Variants in AKR1B1 observed in about 807,000 individuals in gnomAD.
AKR1B1 encodes aldo-keto reductase family 1 member B, also known as aldo-keto reductase family 1 member B1.
Under a neutral mutation model 40.4 loss-of-function variants are expected in AKR1B1, and 22 were observed. That is an observed-to-expected ratio of 0.54 (90% CI 0.39 to 0.78). The LOEUF (loss-of-function observed/expected upper bound fraction) is 0.78. Among genes scored for constraint, AKR1B1 ranks in the 30% least tolerant of loss-of-function variants. The pLI, the probability that AKR1B1 is intolerant of heterozygous loss-of-function variation, is 0.00. For synonymous variants in AKR1B1, 157 were observed against 149.9 expected (o/e 1.05, Z -0.35); for missense variants, 357 against 396.7 (o/e 0.90, Z 0.85).
intron 6 of AKR1B1, 56 bp from the exon 7 acceptor site, chr7:134,448,117 C>T: frequency 7.0e-7 from 1 of 1,428,876 alleles, no homozygotes; most frequent in Middle Eastern, 2.4e-4. Flanking sequence ...TCACAGCAGC[C>T]AGAAACCCCA....
At chr7:134,449,829 A>C in intron 3 of AKR1B1, 32 bp from the exon 4 acceptor site, 1 of 1,570,538 alleles carries the variant, frequency 6.4e-7, no homozygotes, top group South Asian at 1.1e-5. Flanking sequence ...AACAAACAAA[A>C]CAATCAGTAA....
chr7:134,458,320 G>A (rs530454493), intron 1 of AKR1B1, among the ~76,000 whole-genome samples: 4 of 152,180 alleles, frequency 2.6e-5, no homozygotes, highest in African/African-American at 7.2e-5. Flanking sequence ...AACTAGCTAC[G>A]GGGTGCCCAG....
intron 2 of AKR1B1, 188 bp downstream of exon 2, chr7:134,451,398 C>T: frequency 2.8e-6 from 2 of 711,376 alleles, no homozygotes; most frequent in Non-Finnish European, 4.9e-6. Context: ...GATGGAATGA[C>T]CATTCAACAG....
intron 1 of AKR1B1, among the ~76,000 whole-genome samples, chr7:134,452,841 C>T (rs974543864): frequency 1.3e-5 from 2 of 152,116 alleles, no homozygotes; most frequent in African/African-American, 4.8e-5. Context: ...TGAACAAGCC[C>T]GTTACCAGAG....
At chr7:134,458,352 C>A (rs554962874) in intron 1 of AKR1B1, among the ~76,000 whole-genome samples, 9 of 152,236 alleles carry the variant, frequency 5.9e-5, no homozygotes, top group African/African-American at 2.2e-4. Flanking sequence ...GAGTTCCAGA[C>A]CCAGGGCACC....
chr7:134,451,588 T>C lies in AKR1B1; in HGVS notation c.232A>G (p.Lys78Glu). 6.2e-7 allele frequency: 1 copy of C among 1,613,916 alleles called. No homozygotes were observed. The highest frequency in any genetic ancestry group is 8.5e-7 in the Non-Finnish European group (1 of 1,180,012). ...CCAGCCCCACCGCGGAACGATACCT[T>C]GCTGACGATGAAGAGCTCCTCACGC... ...VKREELFIVS[K>E]LWCTYHEKGL... The change falls in exon 2 of 10, where the codon AAG (lysine) becomes GAG (glutamate). Residue 78 changes from lysine (K) to glutamate (E), a missense_variant and splice_region_variant. Physicochemically the swap from Lys to Glu is moderately conservative, Grantham distance 56. Transcript: ENST00000285930.
At chr7:134,451,134 A>G (rs975672183) in intron 2 of AKR1B1, among the ~76,000 whole-genome samples, 3 of 152,208 alleles carry the variant, frequency 2.0e-5, no homozygotes, top group Admixed American at 1.3e-4. Flanking sequence ...GAATGGACAG[A>G]TTGGCTAGCC....
chr7:134,449,619 A>G, intron 4 of AKR1B1, 101 bp downstream of exon 4: 4 of 980,240 alleles, frequency 4.1e-6, no homozygotes, highest in Non-Finnish European at 6.6e-6. Flanking sequence ...AACAACAGGG[A>G]CAGAATAACA....
In AKR1B1 at chr7:134,448,012, T is replaced by C. The variant is rs768636967; in HGVS notation, c.709A>G (p.Ile237Val). Residue 237 changes from isoleucine (I) to valine (V), a missense_variant, in exon 7 of 10, where the codon ATC becomes GTC. By Grantham distance (29) the Ile-to-Val change is conservative (BLOSUM62 3). Transcript: ENST00000285930. Reference sequence around the variant, plus strand: ...GTAGTTTTATTGTGCTTGGCTGCGATCGCCTTGATCCTGGGATCCTCCAGG... The same window carrying C: ...GTAGTTTTATTGTGCTTGGCTGCGACCGCCTTGATCCTGGGATCCTCCAGG... ...SLLEDPRIKAIAAKHNKTTAQ... is the reference protein window; with the variant it reads ...SLLEDPRIKAVAAKHNKTTAQ... 6.2e-7 allele frequency: 1 copy of C among 1,613,300 alleles called. No individual in the cohort carries two copies. Among genetic ancestry groups the C allele is most frequent in the Non-Finnish European group, 8.5e-7 (1 of 1,179,850 alleles).
At position 134,442,741 on chromosome 7, in the gene AKR1B1, T is replaced by G. The variant is rs781778959; in HGVS notation, c.938A>C (p.His313Pro). 2 of 1,614,112 alleles carry G rather than the reference T, an allele frequency of 1.2e-6. No homozygotes were observed. The highest frequency in any genetic ancestry group is 2.2e-5 in the East Asian group (1 of 44,886). Reference sequence around the variant, plus strand: ...GCAACCACAGCTTCAAAACTCTTCATGGAAGGGGTAATCCTTGTGGGAGGT... The same window carrying G: ...GCAACCACAGCTTCAAAACTCTTCAGGGAAGGGGTAATCCTTGTGGGAGGT... The part of the protein sequence containing the change: ...SCTSHKDYPF[H>P]EEF The change falls in exon 10 of 10, where the codon CAT becomes CCT. Residue 313 changes from histidine (H) to proline (P), a missense_variant. By Grantham distance (77) the His-to-Pro change is moderately conservative (BLOSUM62 -2). Transcript: ENST00000285930.
intron 4 of AKR1B1, chr7:134,449,490 G>A: frequency 1.7e-6 from 1 of 587,452 alleles, no homozygotes. Context: ...AGGAGGCTGA[G>A]GCAGGAGAAT....
At chr7:134,443,158 C>T (rs1476389623) in intron 9 of AKR1B1, among the ~76,000 whole-genome samples, 1 of 152,212 alleles carries the variant, frequency 6.6e-6, no homozygotes, top group Non-Finnish European at 1.5e-5. Context: ...CAGTGGCTCA[C>T]GCCTGTAATC....
At chr7:134,457,202 C>T (rs1806498309) in intron 1 of AKR1B1, among the ~76,000 whole-genome samples, 1 of 151,592 alleles carries the variant, frequency 6.6e-6, no homozygotes, top group Non-Finnish European at 1.5e-5. Context: ...TGATGGGTCA[C>T]AAAACTAGCT....
chr7:134,453,084 C>CG (rs1166973445), intron 1 of AKR1B1, among the ~76,000 whole-genome samples: 4 of 152,160 alleles, frequency 2.6e-5, no homozygotes, highest in Admixed American at 6.5e-5. Flanking sequence ...GAGTGGTGTC[C>CG]GGGCACAACC....
chr7:134,447,344 A>G lies in AKR1B1; in HGVS notation c.779T>C (p.Val260Ala). The stretch of plus-strand genomic sequence containing the variant: ...TTCTGGTGTCACAGACTTGGGGATC[A>G]CCACCAAGTTCCTCTGCATGGGGAA... ...IRFPMQRNLV[V>A]IPKSVTPERI... Residue 260 changes from valine (V) to alanine (A), a missense_variant, in exon 8 of 10, where the codon GTG becomes GCG. Val to Ala is a moderately conservative substitution (Grantham distance 64, BLOSUM62 0). Coordinates refer to ENST00000285930, the MANE Select transcript of AKR1B1 (RefSeq NM_001628.4). The G allele has an allele frequency of 1.2e-6, 2 of 1,614,142 alleles. No homozygotes were observed. Among genetic ancestry groups the G allele is most frequent in the Non-Finnish European group, 1.7e-6 (2 of 1,180,022 alleles).
intron 5 of AKR1B1, 124 bp from the exon 6 acceptor site, chr7:134,448,617 C>G: frequency 2.6e-6 from 2 of 765,296 alleles, no homozygotes; most frequent in East Asian, 5.2e-5. Flanking sequence ...AACAAACACC[C>G]TATTTCCCAG....
chr7:134,443,785 G>A (rs772532715), intron 9 of AKR1B1, among the ~76,000 whole-genome samples: 7 of 152,052 alleles, frequency 4.6e-5, no homozygotes, highest in Non-Finnish European at 8.8e-5. Context: ...AGTTCTCCAT[G>A]GTCTGCCTTT....
At chr7:134,449,448 G>A (rs534440729) in intron 4 of AKR1B1, 58 of 568,440 alleles carry the variant, frequency 1.0e-4, no homozygotes, top group East Asian at 6.6e-4. Flanking sequence ...TTAGCCGGGC[G>A]TGGTGGCGGG....
intron 9 of AKR1B1, among the ~76,000 whole-genome samples, chr7:134,443,019 C>A (rs1805985833): frequency 6.6e-6 from 1 of 152,228 alleles, no homozygotes; most frequent in African/African-American, 2.4e-5. Context: ...GTGCCCAGCA[C>A]TGTGCCTGGG....
Sources: gnomAD v4.1 joint callset for allele counts (sites outside exome capture counted in the v4.1 genomes callset) on GRCh38, gnomAD v4.1.1 for gene constraint, MANE v1.5 for transcripts, NCBI Gene and HGNC (gene_info 2026-07-23, HGNC 2026-07-21) for gene names.